RNF146: variants seen among roughly 807,000 people sequenced by gnomAD.
The protein encoded by RNF146 is ring finger protein 146.
In RNF146, 11 loss-of-function variants were observed where a neutral mutation model predicts 29.7. That is an observed-to-expected ratio of 0.37 (90% CI 0.23 to 0.61). The LOEUF (loss-of-function observed/expected upper bound fraction) is 0.61, where lower values mean the gene tolerates loss of function less well. RNF146 is among the 20% of genes least tolerant of loss of function. The pLI, the probability that RNF146 is intolerant of heterozygous loss-of-function variation, is 0.66. For missense variants in RNF146, 342 were observed against 438.9 expected, an observed-to-expected ratio of 0.78 and a Z score of 1.97; for synonymous variants, 150 against 159.7, an observed-to-expected ratio of 0.94 and a Z score of 0.46.
At chr6:127,283,388 G>A (rs1056875861) in intron 2 of RNF146, among the ~76,000 whole-genome samples, 5 of 151,690 alleles carry the variant, frequency 3.3e-5, no homozygotes, top group Non-Finnish European at 7.4e-5. Flanking sequence ...TTATGAGATA[G>A]GGAATACCTC....
At chr6:127,272,026 C>A (rs147420691) in intron 1 of RNF146, among the ~76,000 whole-genome samples, 15 of 152,110 alleles carry the variant, frequency 9.9e-5, no homozygotes, top group Admixed American at 2.0e-4. Flanking sequence ...TTAGATAATA[C>A]GTGACCTTTT....
chr6:127,277,827 G>GC (rs1334957304), intron 1 of RNF146, among the ~76,000 whole-genome samples: 1 of 152,018 alleles, frequency 6.6e-6, no homozygotes, highest in Non-Finnish European at 1.5e-5. Context: ...TCAATACTTT[G>GC]TATCCTTCAC....
chr6:127,267,303 C>T (rs1178150766), intron 1 of RNF146, among the ~76,000 whole-genome samples: 2 of 152,206 alleles, frequency 1.3e-5, no homozygotes, highest in Non-Finnish European at 2.9e-5. Context: ...AGGGGCGGAG[C>T]AGCGGCCATT....
At chr6:127,280,875 G>A (rs1778830709) in intron 2 of RNF146, 1 of 151,714 alleles carries the variant, frequency 6.6e-6, no homozygotes, top group African/African-American at 2.4e-5. Flanking sequence ...ATGCTTTAAA[G>A]TGTTACACAC....
Position 127,287,739 on chromosome 6 carries a change from G to A in RNF146, c.*46G>A, listed in dbSNP as rs368226794. The A allele has an allele frequency of 4.3e-5, 53 of 1,230,320 alleles. No homozygotes were observed. The highest frequency in any genetic ancestry group is 5.9e-5 in the Non-Finnish European group (51 of 870,790). The allele number at this position is 1,230,320 out of a possible 1,614,324, so 76.2% of individuals were successfully genotyped here. On this transcript the variant is annotated 3_prime_UTR_variant, in exon 3 of 3. Transcript: ENST00000368314. ...ATGCTCAAGGTTGAAAGGGTTACCT[G>A]TAAATTTCTGCCCACATAACATTAT... is the stretch of plus-strand genomic sequence containing the variant.
At position 127,278,742 on chromosome 6, in the gene RNF146, G is replaced by T. The variant is rs566055307; in HGVS notation, c.-108-1489G>T. Among the ~76,000 whole-genome samples the T allele has an allele frequency of 5.3e-5, 8 of 151,958 alleles. No individual in the cohort carries two copies. The South Asian group carries it at 1.7e-3, about 31-fold the overall frequency. On this transcript the variant is annotated intron_variant, in intron 1 of 2. Transcript: ENST00000368314. ...AAGCAACAAATTATTATTCACAGCA[G>T]CTACACCCTTTTACCTTCCTACCAG...
At chr6:127,270,065 C>CT (rs1314720586) in intron 1 of RNF146, among the ~76,000 whole-genome samples, 1 of 152,014 alleles carries the variant, frequency 6.6e-6, no homozygotes, top group African/African-American at 2.4e-5. Context: ...TTGCTTGAAT[C>CT]TATTACCTGA....
intron 2 of RNF146, among the ~76,000 whole-genome samples, chr6:127,284,016 A>G (rs1405796124): frequency 1.3e-5 from 2 of 151,818 alleles, no homozygotes; most frequent in Non-Finnish European, 2.9e-5. Flanking sequence ...TCATAAATGC[A>G]AGAGTAAGAG....
At chr6:127,285,786 A>C (rs1054462107) in intron 2 of RNF146, among the ~76,000 whole-genome samples, 14 of 151,758 alleles carry the variant, frequency 9.2e-5, no homozygotes, top group African/African-American at 3.4e-4. Flanking sequence ...TCTTACTGTT[A>C]TTTTAGTAAG....
At chr6:127,281,804 A>C (rs921780823) in intron 2 of RNF146, among the ~76,000 whole-genome samples, 1 of 151,582 alleles carries the variant, frequency 6.6e-6, no homozygotes, top group African/African-American at 2.4e-5. Context: ...GTCTTGGAGG[A>C]GTTAGGGGAC....
chr6:127,287,508 G>A lies in RNF146; in HGVS notation c.895G>A (p.Val299Ile), dbSNP rs145946705. ...AGATGCCAGTAGTGATAGTGAGGAT[G>A]TATCTGCAGTTGTTGCACAGCACTC... is the stretch of plus-strand genomic sequence containing the variant. ...ESDASSDSEDVSAVVAQHSLT... is the reference protein window; with the variant it reads ...ESDASSDSEDISAVVAQHSLT... Residue 299 changes from valine (V) to isoleucine (I), a missense_variant, in exon 3 of 3, where the codon GTA becomes ATA. Val to Ile is a conservative substitution (Grantham distance 29, BLOSUM62 3). Coordinates refer to ENST00000368314, the MANE Select transcript of RNF146 (RefSeq NM_001242850.2). 90 of 1,613,298 alleles carry A rather than the reference G, an allele frequency of 5.6e-5. No homozygotes were observed. The African/African-American group carries it at 1.0e-3, about 18-fold the overall frequency.
In RNF146 at chr6:127,273,178, A is replaced by C. The variant is rs551347848; in HGVS notation, c.-109+6253A>C. ...GTACTAAACATGATGAAAAATACAC[A>C]AGAACAAGAGATTACATTTTACTCC... On this transcript the variant is annotated intron_variant, in intron 1 of 2. Transcript: ENST00000368314. Among the ~76,000 whole-genome samples, 83 of 152,326 alleles carry C rather than the reference A, an allele frequency of 5.4e-4. 1 individual carries two copies. The highest frequency in any genetic ancestry group is 2.0e-3 in the African/African-American group (82 of 41,580).
chr6:127,275,499 TATC>T (rs1778076076), intron 1 of RNF146, among the ~76,000 whole-genome samples: 1 of 152,086 alleles, frequency 6.6e-6, no homozygotes, highest in African/African-American at 2.4e-5. Context: ...ATCCAAAAAA[TATC>T]AGTTCAACAA....
intron 2 of RNF146, among the ~76,000 whole-genome samples, chr6:127,281,230 G>GA (rs1278768714): frequency 6.6e-6 from 1 of 151,498 alleles, no homozygotes; most frequent in East Asian, 1.9e-4. Context: ...TTTGATAATT[G>GA]AAAAATGATA....
chr6:127,285,039 A>G (rs1469783955), intron 2 of RNF146, among the ~76,000 whole-genome samples: 1 of 151,964 alleles, frequency 6.6e-6, no homozygotes, highest in Non-Finnish European at 1.5e-5. Flanking sequence ...CTTGATGTCT[A>G]TAACCTAGAA....
chr6:127,266,818 C>T (rs1424443021), upstream of RNF146: 1 of 151,792 alleles, frequency 6.6e-6, no homozygotes, highest in Non-Finnish European at 1.5e-5. Flanking sequence ...GGCCCCTCCT[C>T]CGCGACGCGC....
At position 127,286,251 on chromosome 6, in the gene RNF146, A is replaced by G. The variant is rs898367989; in HGVS notation, c.3-365A>G. Reference sequence around the variant, plus strand: ...ATTAATAAAGGACTCTAAAACTCAGATTTTTAGATTTCTTGTCTAGCATTC... The same window carrying G: ...ATTAATAAAGGACTCTAAAACTCAGGTTTTTAGATTTCTTGTCTAGCATTC... On this transcript the variant is annotated intron_variant, in intron 2 of 2. Transcript: ENST00000368314. The surrounding 1 kb of genome is among the most constrained non-coding windows in gnomAD (Gnocchi z 4.6). 1 of 1,110,264 alleles carries G rather than the reference A, an allele frequency of 9.0e-7. No homozygotes were observed. Among genetic ancestry groups the G allele is most frequent in the African/African-American group, 1.6e-5 (1 of 61,730 alleles). 68.8% of individuals were successfully genotyped at this position (1,110,264 alleles called of 1,614,324 possible).
chr6:127,288,275 A>G lies in RNF146; in HGVS notation c.*582A>G, dbSNP rs1779781560. 6.0e-6 allele frequency: 1 copy of G among 166,882 alleles called. No homozygotes were observed. The highest frequency in any genetic ancestry group is 6.6e-5 in the Admixed American group (1 of 15,236). 10.3% of individuals were successfully genotyped at this position (166,882 alleles called of 1,614,324 possible). On this transcript the variant is annotated 3_prime_UTR_variant, in exon 3 of 3. Transcript: ENST00000368314. ...GGTGTTCCCATAGGCTTTGCTGTCT[A>G]GTCTTATAGTTTGAGGTTTTTTTGG...
At chr6:127,268,582 T>C (rs1776999869) in intron 1 of RNF146, among the ~76,000 whole-genome samples, 1 of 152,338 alleles carries the variant, frequency 6.6e-6, no homozygotes, top group African/African-American at 2.4e-5. Flanking sequence ...GTGGAGGATG[T>C]TGTTCAGCCC....
Sources: allele counts gnomAD v4.1 joint callset (sites outside exome capture counted in the v4.1 genomes callset), GRCh38; gene constraint gnomAD v4.1.1; non-coding constraint Gnocchi (gnomAD v3.1); transcripts MANE v1.5; gene names NCBI Gene and HGNC (gene_info 2026-07-23, HGNC 2026-07-21).